Variants in OPCML observed in about 807,000 individuals in gnomAD.
OPCML encodes opioid binding protein/cell adhesion molecule like.
In OPCML, 13 loss-of-function variants were observed where a neutral mutation model predicts 37.8. The observed-to-expected ratio is 0.34, with a 90% CI of 0.22 to 0.55. OPCML has a LOEUF of 0.55. OPCML is among the 20% of genes least tolerant of loss of function. OPCML has a pLI of 0.91. For synonymous variants in OPCML, 176 were observed against 168.8 expected, an observed-to-expected ratio of 1.04 and a Z score of -0.33; for missense variants, 341 against 435.6, an observed-to-expected ratio of 0.78 and a Z score of 1.93.
chr11:133,007,559 G>A, intron 1 of OPCML: 1 of 985,474 alleles, frequency 1.0e-6, no homozygotes, highest in Non-Finnish European at 1.2e-6. Flanking sequence ...AAAGGTGTTT[G>A]AGCCTTCAGA....
chr11:133,105,450 T>C (rs991471411), intron 1 of OPCML, among the ~76,000 whole-genome samples: 3 of 152,130 alleles, frequency 2.0e-5, no homozygotes, highest in African/African-American at 7.2e-5. Flanking sequence ...GTGAGAACCA[T>C]TGTTTAGTGC....
At chr11:132,725,166 G>A (rs960881150) in intron 2 of OPCML, among the ~76,000 whole-genome samples, 1 of 152,194 alleles carries the variant, frequency 6.6e-6, no homozygotes, top group Non-Finnish European at 1.5e-5. Context: ...TTCTCCATGA[G>A]AGCCCCACCC....
At chr11:133,289,754 T>C (rs1252975174) in intron 1 of OPCML, among the ~76,000 whole-genome samples, 1 of 152,198 alleles carries the variant, frequency 6.6e-6, no homozygotes, top group Non-Finnish European at 1.5e-5. Flanking sequence ...GGTTACACAG[T>C]TAATGTTTAA....
intron 2 of OPCML, among the ~76,000 whole-genome samples, chr11:132,795,099 T>C (rs548460046): frequency 1.3e-5 from 2 of 151,116 alleles, no homozygotes; most frequent in African/African-American, 4.8e-5. Flanking sequence ...CATATACGTA[T>C]ACACACACAC....
intron 1 of OPCML, among the ~76,000 whole-genome samples, chr11:133,350,113 CA>C (rs1225020996): frequency 5.3e-5 from 8 of 152,298 alleles, no homozygotes; most frequent in African/African-American, 1.9e-4. Context: ...TTCTTTTTCT[CA>C]GTCACTGCAG....
At chr11:132,681,921 C>A (rs1415003948) in intron 2 of OPCML, among the ~76,000 whole-genome samples, 5 of 151,794 alleles carry the variant, frequency 3.3e-5, no homozygotes, top group Admixed American at 6.6e-5. Flanking sequence ...CGCCACTGCA[C>A]CCCAGCCTGG....
chr11:132,722,894 A>G (rs1435371397), intron 2 of OPCML, among the ~76,000 whole-genome samples: 1 of 152,176 alleles, frequency 6.6e-6, no homozygotes, highest in Non-Finnish European at 1.5e-5. Context: ...TATTCACACA[A>G]ATTTCACACA....
At chr11:132,991,792 C>T (rs1946782690) in intron 1 of OPCML, among the ~76,000 whole-genome samples, 2 of 152,168 alleles carry the variant, frequency 1.3e-5, no homozygotes, top group South Asian at 4.1e-4. Context: ...TTCCCGATCC[C>T]TGTTTTCCCT....
Position 133,205,818 on chromosome 11 carries a change from G to A in OPCML, c.62-262808C>T, listed in dbSNP as rs528535738. Among the ~76,000 whole-genome samples the A allele has an allele frequency of 3.9e-5, 6 of 152,328 alleles. No individual in the cohort carries two copies. The highest frequency in any genetic ancestry group is 1.2e-4 in the African/African-American group (5 of 41,574). ...ATAAAATTAGGAAGAGTAAAGCGCG[G>A]TGTGAATGAGCAAGAGTTTTGGATT... On this transcript the variant is annotated intron_variant, in intron 1 of 7. Transcript: ENST00000524381. This position sits in a 1 kb window ranked among gnomAD's most constrained non-coding sequence, Gnocchi z 4.8.
intron 1 of OPCML, among the ~76,000 whole-genome samples, chr11:133,226,829 C>T (rs750399825): frequency 2.0e-5 from 3 of 152,112 alleles, no homozygotes; most frequent in Non-Finnish European, 4.4e-5. Context: ...GGAGCCCAAA[C>T]CAGCGCAGTT....
intron 2 of OPCML, 71 bp downstream of exon 2, chr11:132,942,855 C>T: frequency 1.9e-6 from 3 of 1,589,662 alleles, no homozygotes; most frequent in East Asian, 2.2e-5. Flanking sequence ...GAGCCTTCTG[C>T]CCCCTCTTCC....
At chr11:132,664,374 G>A (rs957365096) in intron 2 of OPCML, among the ~76,000 whole-genome samples, 1 of 151,806 alleles carries the variant, frequency 6.6e-6, no homozygotes, top group African/African-American at 2.4e-5. Context: ...AGAAATGCTG[G>A]GTGGAATTTT....
intron 2 of OPCML, among the ~76,000 whole-genome samples, chr11:132,726,110 A>G (rs1303068753): frequency 2.6e-5 from 4 of 152,196 alleles, no homozygotes; most frequent in Admixed American, 6.5e-5. Flanking sequence ...ACCCAGTTCC[A>G]AAGTTGCTTA....
intron 1 of OPCML, among the ~76,000 whole-genome samples, chr11:133,469,117 T>A (rs1947043557): frequency 6.6e-6 from 1 of 152,196 alleles, no homozygotes; most frequent in East Asian, 1.9e-4. Context: ...AATGACTAGA[T>A]AAGTGTTACT....
At chr11:133,516,418 G>A (rs964815093) in intron 1 of OPCML, among the ~76,000 whole-genome samples, 6 of 152,010 alleles carry the variant, frequency 3.9e-5, no homozygotes, top group Non-Finnish European at 8.8e-5. Context: ...GATCTGGGGG[G>A]ACACACTCAC....
chr11:133,526,515 G>A (rs1438651379), intron 1 of OPCML, among the ~76,000 whole-genome samples: 1 of 152,156 alleles, frequency 6.6e-6, no homozygotes, highest in Non-Finnish European at 1.5e-5. Context: ...ATGCTTAGAG[G>A]AAGGCAGTAG....
At chr11:133,308,994 G>T (rs924501838) in intron 1 of OPCML, among the ~76,000 whole-genome samples, 3 of 152,184 alleles carry the variant, frequency 2.0e-5, no homozygotes, top group Non-Finnish European at 4.4e-5. Context: ...AAATGGAGGA[G>T]TAGACCATTC....
intron 1 of OPCML, among the ~76,000 whole-genome samples, chr11:133,072,584 TAA>T (rs1338202705): frequency 6.6e-6 from 1 of 152,264 alleles, no homozygotes; most frequent in Non-Finnish European, 1.5e-5. Flanking sequence ...AGATGTGGAC[TAA>T]GTCTATCAAG....
intron 1 of OPCML, among the ~76,000 whole-genome samples, chr11:133,140,525 TAATAATAAGAAGAAGAAG>T (rs1175205528): frequency 1.8e-5 from 1 of 57,042 alleles, no homozygotes; most frequent in African/African-American, 5.6e-5. Context: ...ATAATAATAA[TAATAATAAGAAGAAGAAG>T]AAGAAGAAGA....
Sources: gnomAD v4.1 joint callset for allele counts (sites outside exome capture counted in the v4.1 genomes callset) on GRCh38, gnomAD v4.1.1 for gene constraint, Gnocchi (gnomAD v3.1) non-coding constraint, MANE v1.5 for transcripts, NCBI Gene and HGNC (gene_info 2026-07-23, HGNC 2026-07-21) for gene names.